GNG7: variants seen among roughly 807,000 people sequenced by gnomAD.
The protein encoded by GNG7 is G protein subunit gamma 7.
Under a neutral mutation model 4.0 loss-of-function variants are expected in GNG7, and 1 was observed. The observed-to-expected ratio is 0.25, with a 90% CI of 0.09 to 1.18. The LOEUF (loss-of-function observed/expected upper bound fraction) is 1.18. Ranked by LOEUF, GNG7 falls within the 50% of genes most tolerant of loss-of-function variation. The pLI is 0.50. For missense variants in GNG7, 86 were observed against 91.9 expected, an observed-to-expected ratio of 0.94 and a Z score of 0.26; for synonymous variants, 34 against 36.9, an observed-to-expected ratio of 0.92 and a Z score of 0.29.
intron 1 of GNG7, among the ~76,000 whole-genome samples, chr19:2,661,333 A>AAAGG (rs1568277866): frequency 6.8e-6 from 1 of 146,130 alleles, no homozygotes; most frequent in African/African-American, 2.6e-5. Context: ...AGAAAGAAAG[A>AAAGG]AAGAAAGAAA....
intron 3 of GNG7, among the ~76,000 whole-genome samples, chr19:2,525,984 T>TTTTTTTTTTTTTTA (rs1978382708): frequency 1.4e-5 from 2 of 140,378 alleles, no homozygotes; most frequent in African/African-American, 5.4e-5. Flanking sequence ...TTTTTTTTTT[T>TTTTTTTTTTTTTTA]TTTTGAGACA....
chr19:2,629,597 C>T (rs531770651), intron 2 of GNG7, among the ~76,000 whole-genome samples: 1 of 152,196 alleles, frequency 6.6e-6, no homozygotes, highest in African/African-American at 2.4e-5. Context: ...AGGTAGTGGA[C>T]AAGACCTCAC....
intron 2 of GNG7, among the ~76,000 whole-genome samples, chr19:2,637,268 G>C (rs888496472): frequency 2.4e-4 from 36 of 151,864 alleles, no homozygotes; most frequent in Admixed American, 2.4e-3. Context: ...TTTTGCCCTG[G>C]GGCCTGCAGA....
chr19:2,593,403 G>A (rs1488151713), intron 2 of GNG7, among the ~76,000 whole-genome samples: 3 of 151,918 alleles, frequency 2.0e-5, no homozygotes, highest in South Asian at 2.1e-4. Flanking sequence ...TAAAATATTC[G>A]TTCTATATAT....
At chr19:2,676,116 G>A (rs567148586) in intron 1 of GNG7, among the ~76,000 whole-genome samples, 11 of 152,220 alleles carry the variant, frequency 7.2e-5, no homozygotes, top group Non-Finnish European at 1.0e-4. Flanking sequence ...GCCAAGAACC[G>A]CCGGCCACTT....
At chr19:2,554,559 A>ATATATTT (rs1196558078) in intron 3 of GNG7, among the ~76,000 whole-genome samples, 84 of 130,136 alleles carry the variant, frequency 6.5e-4, no homozygotes, top group African/African-American at 2.3e-3. Flanking sequence ...ATATATATAT[A>ATATATTT]TTTTTTTTTT....
At chr19:2,554,108 G>A (rs1979471309) in intron 3 of GNG7, among the ~76,000 whole-genome samples, 1 of 146,236 alleles carries the variant, frequency 6.8e-6, no homozygotes, top group African/African-American at 2.5e-5. Flanking sequence ...GTTCAAGATT[G>A]CAGTGAGCTA....
chr19:2,554,972 G>A (rs556043755), intron 3 of GNG7, among the ~76,000 whole-genome samples, 177 bp downstream of exon 3: 1 of 152,276 alleles, frequency 6.6e-6, no homozygotes, highest in South Asian at 2.1e-4. Flanking sequence ...GGCAGAGCTG[G>A]TAAAAGGGGA....
chr19:2,579,336 G>T (rs1469732432), intron 2 of GNG7, among the ~76,000 whole-genome samples: 2 of 152,252 alleles, frequency 1.3e-5, no homozygotes, highest in Admixed American at 6.5e-5. Flanking sequence ...TGCAGCTCAG[G>T]GTGGCCAGGG....
intron 3 of GNG7, chr19:2,538,282 A>C: frequency 2.2e-6 from 1 of 456,474 alleles, no homozygotes; most frequent in Non-Finnish European, 4.4e-6. Flanking sequence ...AATGAAACCG[A>C]CCAGGTCAAT....
rs569903364 is a variant in GNG7 at position 2,614,054 on chromosome 19, G to A, written c.-78+32170C>T. ...GAACTCGGGCCCCGCGCCTACCCCC[G>A]GGGTAAAGGGGGCCAGCCTCGCACA... On this transcript the variant is annotated intron_variant, in intron 2 of 4. Coordinates refer to ENST00000382159, the MANE Select transcript of GNG7 (RefSeq NM_052847.3). The surrounding 1 kb of genome is among the most constrained non-coding windows in gnomAD (Gnocchi z 6.0). Among the ~76,000 whole-genome samples, 11 of 152,334 alleles carry A rather than the reference G, an allele frequency of 7.2e-5. No individual in the cohort carries two copies. The highest frequency in any genetic ancestry group is 1.3e-4 in the Non-Finnish European group (9 of 68,020).
chr19:2,585,631 C>A lies in GNG7; in HGVS notation c.-77-30443G>T, dbSNP rs1188676794. ...CTCCAGATTGGGATTACCAGGGGAA[C>A]TTTTCCTTTTAAAAACAAAATGGAG... is the stretch of plus-strand genomic sequence containing the variant. On this transcript the variant is annotated intron_variant, in intron 2 of 4. Transcript: ENST00000382159. Among the ~76,000 whole-genome samples the A allele has an allele frequency of 1.5e-3, 224 of 152,306 alleles. 3 individuals carry two copies. Among genetic ancestry groups the A allele is most frequent in the Admixed American group, 0.014 (220 of 15,290 alleles).
chr19:2,545,927 C>G (rs1351666164), intron 3 of GNG7, among the ~76,000 whole-genome samples: 1 of 152,088 alleles, frequency 6.6e-6, no homozygotes, highest in Non-Finnish European at 1.5e-5. Flanking sequence ...TGCACTCCAG[C>G]CTGGGCAACG....
intron 3 of GNG7, among the ~76,000 whole-genome samples, chr19:2,553,826 ATAT>A (rs562337138): frequency 0.077 from 3,651 of 47,190 alleles, 83 homozygotes; most frequent in Admixed American, 0.13. Flanking sequence ...ATACATGTAC[ATAT>A]TATATGTAAT....
At chr19:2,580,286 A>ATTTT (rs5826774) in intron 2 of GNG7, among the ~76,000 whole-genome samples, 1 of 133,604 alleles carries the variant, frequency 7.5e-6, no homozygotes, top group Admixed American at 7.6e-5. Context: ...GTCTGGTTCT[A>ATTTT]TTTTTTTTTT....
intron 3 of GNG7, among the ~76,000 whole-genome samples, chr19:2,543,500 C>T (rs957962263): frequency 1.3e-5 from 2 of 152,156 alleles, no homozygotes; most frequent in African/African-American, 2.4e-5. Context: ...GCTAGGATCC[C>T]GGGCATGAAC....
At chr19:2,661,187 G>A (rs1983134261) in intron 1 of GNG7, among the ~76,000 whole-genome samples, 1 of 147,216 alleles carries the variant, frequency 6.8e-6, no homozygotes, top group East Asian at 2.0e-4. Context: ...CTCCAGCCTG[G>A]GCAACAAGAG....
rs763889964 is a variant in GNG7, at chr19:2,511,900, G to A, written c.*3122C>T. On this transcript the variant is annotated 3_prime_UTR_variant, in exon 5 of 5. Coordinates refer to ENST00000382159, the MANE Select transcript of GNG7 (RefSeq NM_052847.3). This position sits in a 1 kb window ranked among gnomAD's most constrained non-coding sequence, Gnocchi z 6.3. Reference sequence around the variant, plus strand: ...CTGGCTCCTTCCTGGAGAGAGGAGGGCAGGGGAGGCGGAGCTGGTCCGGGA... The same window carrying A: ...CTGGCTCCTTCCTGGAGAGAGGAGGACAGGGGAGGCGGAGCTGGTCCGGGA... 2.1e-5 allele frequency: 21 copies of A among 986,256 alleles called. No individual in the cohort carries two copies. Among genetic ancestry groups the A allele is most frequent in the Non-Finnish European group, 2.3e-5 (19 of 830,336 alleles). The allele number at this position is 986,256 out of a possible 1,614,324, so 61.1% of individuals were successfully genotyped here.
Position 2,553,383 on chromosome 19 carries a change from C to CATATATATATATATATATAT in GNG7, c.-38+1765_-38+1766insATATATATATATATATATAT, listed in dbSNP as rs200287140. Among the ~76,000 whole-genome samples the CATATATATATATATATATAT allele has an allele frequency of 3.7e-3, 469 of 127,486 alleles. 2 individuals carry two copies. Among genetic ancestry groups the CATATATATATATATATATAT allele is most frequent in the East Asian group, 0.011 (48 of 4,304 alleles). 83.6% of individuals were successfully genotyped at this position (127,486 alleles called of 152,430 possible). ...ACTGACATGCCAGCATGGTGCTGAG[C>CATATATATATATATATATAT]ATATATATATATACATATATATATG... On this transcript the variant is annotated intron_variant, in intron 3 of 4. Transcript: ENST00000382159.
Sources: gnomAD v4.1 joint callset for allele counts (sites outside exome capture counted in the v4.1 genomes callset) on GRCh38, gnomAD v4.1.1 for gene constraint, Gnocchi (gnomAD v3.1) non-coding constraint, MANE v1.5 for transcripts, NCBI Gene and HGNC (gene_info 2026-07-23, HGNC 2026-07-21) for gene names.